The following PRH1 variants were observed in gnomAD, a reference collection of about 807,000 sequenced individuals.
The protein encoded by PRH1 is salivary acidic proline-rich phosphoprotein 1/2.
PRH1 carries 7 observed loss-of-function variants against 7.9 expected under a neutral mutation model. The observed-to-expected ratio is 0.89, with a 90% CI of 0.50 to 1.67. PRH1 has a LOEUF of 1.67. PRH1 is among the 40% of genes most tolerant of loss of function. The pLI is 0.00. For synonymous variants in PRH1, 45 were observed against 80.8 expected (o/e 0.56, Z 2.38); for missense variants, 109 against 223.6 (o/e 0.49, Z 3.27).
intron 1 of PRH1, among the ~76,000 whole-genome samples, chr12:10,985,040 A>G (rs1005251348): frequency 2.0e-5 from 3 of 151,410 alleles, no homozygotes; most frequent in Non-Finnish European, 4.4e-5. Context: ...GATAGAGGAG[A>G]TCATTGGCAA....
At chr12:11,128,209 TTC>T (rs1445439365) in intron 1 of PRH1, among the ~76,000 whole-genome samples, 4 of 152,198 alleles carry the variant, frequency 2.6e-5, no homozygotes, top group Non-Finnish European at 5.9e-5. Flanking sequence ...GAATTTACAC[TTC>T]TCTGTGTATG....
intron 1 of PRH1, chr12:11,031,071 C>T (rs1443587646): frequency 6.2e-7 from 1 of 1,614,288 alleles, no homozygotes; most frequent in Non-Finnish European, 8.5e-7. Flanking sequence ...CCGGTTACTG[C>T]CCAGACATTA....
chr12:11,068,629 G>C (rs1310702341), intron 1 of PRH1, among the ~76,000 whole-genome samples: 4 of 152,136 alleles, frequency 2.6e-5, no homozygotes, highest in African/African-American at 4.8e-5. Context: ...ATACGTAAAA[G>C]GTGAGATTAG....
chr12:10,942,167 A>G (rs10845249), intron 2 of PRH1, among the ~76,000 whole-genome samples: 42,625 of 151,790 alleles, frequency 0.28, 6,162 homozygotes, highest in African/African-American at 0.32. Flanking sequence ...TAGCTTTGGG[A>G]GTTTAATGCT....
chr12:11,131,982 T>A (rs1474757893), intron 1 of PRH1, among the ~76,000 whole-genome samples: 2 of 152,212 alleles, frequency 1.3e-5, no homozygotes, highest in Non-Finnish European at 2.9e-5. Flanking sequence ...ACACGATCTC[T>A]TCTTTTATGG....
intron 1 of PRH1, among the ~76,000 whole-genome samples, chr12:11,140,189 T>C (rs1946664125): frequency 6.6e-6 from 1 of 152,080 alleles, no homozygotes; most frequent in Admixed American, 6.6e-5. Flanking sequence ...TAATCAATCA[T>C]TATGCCAAAG....
intron 1 of PRH1, chr12:11,166,006 T>C (rs1470931539): frequency 6.6e-6 from 1 of 152,246 alleles, no homozygotes; most frequent in Non-Finnish European, 1.5e-5. Context: ...TCTACGTACC[T>C]TTGCCTCAGA....
intron 2 of PRH1, among the ~76,000 whole-genome samples, chr12:10,961,558 G>A (rs2135933555): frequency 6.6e-6 from 1 of 152,006 alleles, no homozygotes. Context: ...TTAAACATGT[G>A]CTTCCTCAGA....
At chr12:11,150,679 G>A (rs1001891568) in intron 1 of PRH1, among the ~76,000 whole-genome samples, 4 of 152,082 alleles carry the variant, frequency 2.6e-5, no homozygotes, top group Non-Finnish European at 5.9e-5. Flanking sequence ...GTGGGGTTGG[G>A]GGAAGGGGAA....
intron 2 of PRH1, among the ~76,000 whole-genome samples, chr12:10,959,545 TAAGA>T: frequency 6.6e-6 from 1 of 152,106 alleles, no homozygotes; most frequent in East Asian, 1.9e-4. Context: ...GAAAAAAACT[TAAGA>T]AATAAGATAC....
chr12:11,171,223 G>T, intron 1 of PRH1: 2 of 494,188 alleles, frequency 4.0e-6, no homozygotes, highest in Non-Finnish European at 6.4e-6. Flanking sequence ...CCGAGCGGCG[G>T]CAGCGGCAAG....
At chr12:10,987,888 T>C (rs141067455) in intron 1 of PRH1, among the ~76,000 whole-genome samples, 4 of 152,240 alleles carry the variant, frequency 2.6e-5, no homozygotes, top group African/African-American at 7.2e-5. Context: ...AGCAGGTTGA[T>C]TATCTGTCCC....
At position 11,133,151 on chromosome 12, in the gene PRH1, A is replaced by G. The variant is rs140979402; in HGVS notation, n.40-11971T>C. 151 of 1,012,634 alleles carry G rather than the reference A, an allele frequency of 1.5e-4. 2 individuals are homozygous for G. The highest frequency in any genetic ancestry group is 7.6e-4 in the Middle Eastern group (3 of 3,930). 62.7% of individuals were successfully genotyped at this position (1,012,634 alleles called of 1,614,324 possible). On this transcript the variant is annotated intron_variant and non_coding_transcript_variant, in intron 1 of 1. Coordinates refer to the PRH1 transcript ENST00000541175. ...CACACACACACACACACATCTATAT[A>G]TATGTACTTTTCTAGACTAACTTTA...
intron 1 of PRH1, chr12:11,092,240 AC>A: frequency 7.9e-7 from 1 of 1,271,814 alleles, no homozygotes; most frequent in Non-Finnish European, 1.1e-6. Flanking sequence ...GTCTGAACAG[AC>A]AAAAAAAATT....
chr12:10,946,167 A>T (rs1950483682), intron 2 of PRH1, among the ~76,000 whole-genome samples: 1 of 152,234 alleles, frequency 6.6e-6, no homozygotes, highest in Admixed American at 6.5e-5. Context: ...AGGAAATCAC[A>T]AAGGTATTGA....
intron 2 of PRH1, among the ~76,000 whole-genome samples, chr12:10,934,464 A>C (rs1415131250): frequency 6.6e-6 from 1 of 152,118 alleles, no homozygotes; most frequent in East Asian, 1.9e-4. Context: ...TAGGAATTAT[A>C]TATTTATTAT....
chr12:11,167,412 A>AT (rs112596879), intron 1 of PRH1, among the ~76,000 whole-genome samples: 112,655 of 151,250 alleles, frequency 0.74, 44,453 homozygotes, highest in East Asian at 0.96. Flanking sequence ...CACAGATGAA[A>AT]CAATTCATGT....
intron 1 of PRH1, among the ~76,000 whole-genome samples, chr12:11,121,625 G>A (rs916467703): frequency 2.7e-5 from 4 of 150,550 alleles, no homozygotes; most frequent in South Asian, 2.1e-4. Flanking sequence ...TTATACAAAC[G>A]AATTTTTTTT....
At chr12:11,102,789 C>A (rs1158615468) in intron 1 of PRH1, among the ~76,000 whole-genome samples, 1 of 152,118 alleles carries the variant, frequency 6.6e-6, no homozygotes, top group Non-Finnish European at 1.5e-5. Context: ...ACAATCTACC[C>A]ATCTGACAAA....
Sources: allele counts gnomAD v4.1 joint callset (sites outside exome capture counted in the v4.1 genomes callset), GRCh38; gene constraint gnomAD v4.1.1; transcripts MANE v1.5; gene names NCBI Gene and HGNC (gene_info 2026-07-23, HGNC 2026-07-21).